Variants in AK9 observed in about 807,000 individuals in gnomAD.
AK9 encodes the protein adenylate kinase domain containing 1.
A neutral mutation model predicts 239.6 loss-of-function variants in AK9; 191 were observed. The ratio of observed to expected loss-of-function variants is 0.80; its 90% confidence interval spans 0.71 to 0.90. The LOEUF is 0.90. Among genes scored for constraint, AK9 ranks in the 40% least tolerant of loss-of-function variants. The pLI is 0.00. For missense variants in AK9, 1,995 were observed against 2,214.7 expected, an observed-to-expected ratio of 0.90 and a Z score of 1.99; for synonymous variants, 689 against 721.0, an observed-to-expected ratio of 0.96 and a Z score of 0.71.
intron 17 of AK9, among the ~76,000 whole-genome samples, chr6:109,594,780 A>G (rs1281409174): frequency 1.3e-5 from 2 of 152,204 alleles, no homozygotes; most frequent in Non-Finnish European, 1.5e-5. Context: ...TGTTTAATAA[A>G]CGCTGTTGGG....
chr6:109,641,680 G>A, intron 9 of AK9, 64 bp from the exon 10 acceptor site: 2 of 1,420,596 alleles, frequency 1.4e-6, no homozygotes, highest in Non-Finnish European at 2.0e-6. Flanking sequence ...CTCTGAAACA[G>A]TGGTGGGCTT....
At chr6:109,668,312 A>AGTAGGTTGCAAAAATTTTCTCCCATTCT (rs1801557098) in intron 5 of AK9, among the ~76,000 whole-genome samples, 1 of 151,534 alleles carries the variant, frequency 6.6e-6, no homozygotes, top group African/African-American at 2.4e-5. Flanking sequence ...TTGTCAGATG[A>AGTAGGTTGCAAAAATTTTCTCCCATTCT]GTAGGTTGCA....
At position 109,514,507 on chromosome 6, in the gene AK9, GA is replaced by G. The variant is rs1045612479; in HGVS notation, c.4066-71del. On this transcript the variant is annotated intron_variant, in intron 31 of 40. Transcript: ENST00000424296. Reference sequence around the variant, plus strand: ...TACAGCACTTCCCTGAAACATATTTGAAAAAAACAATTCGTGACATAAGAAA... The same window carrying G: ...TACAGCACTTCCCTGAAACATATTTGAAAAAACAATTCGTGACATAAGAAA... 10 of 1,301,184 alleles carry G rather than the reference GA, an allele frequency of 7.7e-6. No individual in the cohort carries two copies. In the African/African-American group the frequency reaches 1.2e-4, roughly 16 times the overall value. The allele number at this position is 1,301,184 out of a possible 1,614,324, so 80.6% of individuals were successfully genotyped here. A position where few individuals can be genotyped will look rare whatever the true frequency, so the allele number is the denominator to read the frequency against.
At chr6:109,520,496 G>A (rs986814059) in intron 29 of AK9, among the ~76,000 whole-genome samples, 1 of 151,920 alleles carries the variant, frequency 6.6e-6, no homozygotes, top group African/African-American at 2.4e-5. Flanking sequence ...TTTTGTACTG[G>A]TATCATGCTG....
At chr6:109,545,777 T>C in intron 26 of AK9, 90 bp downstream of exon 26, 1 of 1,460,508 alleles carries the variant, frequency 6.8e-7, no homozygotes, top group Non-Finnish European at 9.1e-7. Context: ...CCTTCCTGTC[T>C]GGGTGACAGA....
intron 12 of AK9, among the ~76,000 whole-genome samples, chr6:109,630,774 G>A (rs1796018938): frequency 6.6e-6 from 1 of 152,096 alleles, no homozygotes; most frequent in Non-Finnish European, 1.5e-5. Flanking sequence ...GAGCCCAGGA[G>A]TTAGAGGATG....
At chr6:109,648,345 A>G (rs1798378604) in intron 8 of AK9, among the ~76,000 whole-genome samples, 2 of 152,124 alleles carry the variant, frequency 1.3e-5, no homozygotes, top group South Asian at 4.1e-4. Context: ...GAACGCTAGC[A>G]AGACTAATAA....
chr6:109,569,432 A>C (rs1787074547), intron 21 of AK9, among the ~76,000 whole-genome samples: 2 of 152,212 alleles, frequency 1.3e-5, no homozygotes, highest in Non-Finnish European at 2.9e-5. Context: ...TGACAAATGG[A>C]TCTAATTAAA....
At chr6:109,666,323 A>C (rs1174019418) in intron 5 of AK9, among the ~76,000 whole-genome samples, 1 of 152,174 alleles carries the variant, frequency 6.6e-6, no homozygotes, top group Non-Finnish European at 1.5e-5. Flanking sequence ...ACAGACCAGA[A>C]CTACTGAGCC....
At chr6:109,606,999 T>G (rs9386823) in intron 17 of AK9, among the ~76,000 whole-genome samples, 88,544 of 151,968 alleles carry the variant, frequency 0.58, 27,478 homozygotes, top group South Asian at 0.84. Flanking sequence ...TAACCTATTT[T>G]CTTTCCCTGG....
intron 21 of AK9, among the ~76,000 whole-genome samples, chr6:109,565,814 T>C (rs1786410029): frequency 6.6e-6 from 1 of 152,124 alleles, no homozygotes; most frequent in South Asian, 2.1e-4. Flanking sequence ...CACACACACA[T>C]TCTGCAACAC....
At chr6:109,598,267 C>T (rs1183052708) in intron 17 of AK9, among the ~76,000 whole-genome samples, 2 of 145,258 alleles carry the variant, frequency 1.4e-5, no homozygotes. Flanking sequence ...TGTTCCCCTT[C>T]CTGTGTCCAT....
At chr6:109,669,052 T>C (rs1465281207) in intron 5 of AK9, among the ~76,000 whole-genome samples, 1 of 149,854 alleles carries the variant, frequency 6.7e-6, no homozygotes. Flanking sequence ...TCCATTTGTT[T>C]GTGTCCTCTT....
intron 17 of AK9, among the ~76,000 whole-genome samples, chr6:109,603,795 C>T (rs1792437608): frequency 6.6e-6 from 1 of 152,340 alleles, no homozygotes; most frequent in East Asian, 1.9e-4. Flanking sequence ...CCCAGACTCA[C>T]TGGCACATTG....
intron 12 of AK9, among the ~76,000 whole-genome samples, chr6:109,626,093 C>A (rs757401808): frequency 6.6e-6 from 1 of 152,152 alleles, no homozygotes; most frequent in African/African-American, 2.4e-5. Context: ...AGTTCTTCCA[C>A]AAATTCCAAT....
At chr6:109,504,157 C>T (rs977759316) in intron 35 of AK9, among the ~76,000 whole-genome samples, 2 of 152,064 alleles carry the variant, frequency 1.3e-5, no homozygotes, top group African/African-American at 2.4e-5. Flanking sequence ...AGTTTGAGAC[C>T]AGCCTGGGAA....
Position 109,545,853 on chromosome 6 carries a change from A to C in AK9, c.3225+14T>G, listed in dbSNP as rs368616542. The C allele has an allele frequency of 1.3e-6, 2 of 1,577,538 alleles. No homozygotes were observed. The highest frequency in any genetic ancestry group is 2.0e-5 in the Admixed American group (1 of 49,790). ...AAAACAAAACAAACAAAAAACAAAA[A>C]AAGAGATTACTACCTGCTTTTTTGT... On this transcript the variant is annotated intron_variant, in intron 26 of 40. Coordinates refer to ENST00000424296, the MANE Select transcript of AK9 (RefSeq NM_001145128.3).
At chr6:109,673,149 C>T (rs1487638183) in intron 3 of AK9, among the ~76,000 whole-genome samples, 1 of 152,046 alleles carries the variant, frequency 6.6e-6, no homozygotes, top group East Asian at 1.9e-4. Flanking sequence ...GTTTGGTATT[C>T]TTTAAGATTT....
chr6:109,592,817 G>A (rs1027310539), intron 17 of AK9, among the ~76,000 whole-genome samples: 5 of 151,542 alleles, frequency 3.3e-5, no homozygotes, highest in Admixed American at 1.3e-4. Context: ...TCACATTGAC[G>A]TTAGATAGTC....
Sources: allele counts gnomAD v4.1 joint callset (sites outside exome capture counted in the v4.1 genomes callset), GRCh38; gene constraint gnomAD v4.1.1; transcripts MANE v1.5; gene names NCBI Gene and HGNC (gene_info 2026-07-23, HGNC 2026-07-21).